Variants in RANBP3L observed in about 807,000 individuals in gnomAD.
RANBP3L encodes the protein RAN binding protein 3 like.
RANBP3L carries 56 observed loss-of-function variants against 67.2 expected under a neutral mutation model. The observed-to-expected ratio is 0.83, with a 90% CI of 0.67 to 1.04. The LOEUF (loss-of-function observed/expected upper bound fraction) is 1.04. Ranked by LOEUF, RANBP3L falls within the 50% of genes least tolerant of loss-of-function variation. The pLI is 0.00. For synonymous variants in RANBP3L, 164 were observed against 181.4 expected, an observed-to-expected ratio of 0.90 and a Z score of 0.77; for missense variants, 496 against 535.5, an observed-to-expected ratio of 0.93 and a Z score of 0.73.
chr5:36,301,390 G>A lies in RANBP3L; in HGVS notation c.27C>T (p.Ser9=). 6.2e-7 allele frequency: 1 copy of A among 1,613,642 alleles called. No individual in the cohort carries two copies. The highest frequency in any genetic ancestry group is 1.3e-5 in the African/African-American group (1 of 75,042). MTTIPRKG[S]SHLPGSLHTC... Reference sequence around the variant, plus strand: ...TGTGCAAACTGCCAGGCAGGTGGCTGCTGCCTTTTCTTGGTATGGTAGTCA... The same window carrying A: ...TGTGCAAACTGCCAGGCAGGTGGCTACTGCCTTTTCTTGGTATGGTAGTCA... The change falls in exon 1 of 14, where the codon AGC becomes AGT. Residue 9 remains serine (S), a synonymous_variant. Coordinates refer to ENST00000296604, the MANE Select transcript of RANBP3L (RefSeq NM_145000.5).
At chr5:36,281,405 C>A (rs1045729483) in intron 1 of RANBP3L, among the ~76,000 whole-genome samples, 4 of 152,298 alleles carry the variant, frequency 2.6e-5, no homozygotes, top group African/African-American at 9.6e-5. Flanking sequence ...ATTACGGGAC[C>A]TGTCTCAGGT....
In RANBP3L at chr5:36,260,874, T is replaced by A. The variant is rs6881086; in HGVS notation, c.585-10A>T. The A allele has an allele frequency of 0.93, 1,187,949 of 1,273,346 alleles. 560,133 individuals carry two copies. Among genetic ancestry groups the A allele is most frequent in the Non-Finnish European group, 0.97 (863,425 of 888,376 alleles). The allele number at this position is 1,273,346 out of a possible 1,614,324, so 78.9% of individuals were successfully genotyped here. ...TTCATTTGGTTGACATCTAAGAAAA[T>A]GAAATAAGCATTTACTATTTTAAAT... On this transcript the variant is annotated splice_polypyrimidine_tract_variant and intron_variant, in intron 7 of 13. Coordinates refer to ENST00000296604, the MANE Select transcript of RANBP3L (RefSeq NM_145000.5).
At chr5:36,300,927 T>C (rs957701555) in intron 1 of RANBP3L, among the ~76,000 whole-genome samples, 1 of 152,148 alleles carries the variant, frequency 6.6e-6, no homozygotes, top group South Asian at 2.1e-4. Context: ...CAGACAAACT[T>C]AGGCTTAAAC....
intron 1 of RANBP3L, among the ~76,000 whole-genome samples, chr5:36,277,939 C>T (rs1412519077): frequency 8.5e-5 from 13 of 152,060 alleles, no homozygotes; most frequent in Non-Finnish European, 1.8e-4. Context: ...GAGAGCCAAG[C>T]AAAGGGGGTT....
intron 1 of RANBP3L, among the ~76,000 whole-genome samples, chr5:36,286,990 T>C (rs1751370804): frequency 6.6e-6 from 1 of 152,174 alleles, no homozygotes; most frequent in East Asian, 1.9e-4. Flanking sequence ...ATTTACACCA[T>C]TGAGCCCCAA....
intron 4 of RANBP3L, among the ~76,000 whole-genome samples, chr5:36,268,567 A>G (rs1004255762): frequency 2.6e-5 from 4 of 152,172 alleles, no homozygotes; most frequent in Non-Finnish European, 5.9e-5. Context: ...TACAAGGTGG[A>G]AGGCATAGAG....
intron 1 of RANBP3L, among the ~76,000 whole-genome samples, chr5:36,285,515 C>G (rs147461678): frequency 2.1e-4 from 32 of 152,320 alleles, no homozygotes; most frequent in Non-Finnish European, 3.8e-4. Context: ...GAATTTACCT[C>G]AAAGTGCTGT....
chr5:36,255,205 A>C (rs1433132192), intron 11 of RANBP3L, among the ~76,000 whole-genome samples: 1 of 152,112 alleles, frequency 6.6e-6, no homozygotes, highest in Non-Finnish European at 1.5e-5. Context: ...TCCCATTTTA[A>C]ATTGATATAA....
At chr5:36,268,872 C>G (rs1750003104) in intron 4 of RANBP3L, among the ~76,000 whole-genome samples, 1 of 152,060 alleles carries the variant, frequency 6.6e-6, no homozygotes, top group Non-Finnish European at 1.5e-5. Context: ...CCATGCCCAG[C>G]TAATTTTTTT....
At position 36,301,639 on chromosome 5, in the gene RANBP3L, C is replaced by A. The variant is rs1312634656; in HGVS notation, c.-223G>T. ...GTTACTTCTCCTAAATATAAAGATG[C>A]CAATTCATTTGGTTAAAAACACAAC... is the stretch of plus-strand genomic sequence containing the variant. On this transcript the variant is annotated 5_prime_UTR_variant, in exon 1 of 14. Coordinates refer to ENST00000296604, the MANE Select transcript of RANBP3L (RefSeq NM_145000.5). The A allele has an allele frequency of 6.7e-6, 3 of 444,626 alleles. No homozygotes were observed. Among genetic ancestry groups the A allele is most frequent in the Non-Finnish European group, 1.2e-5 (3 of 247,396 alleles). 27.5% of individuals were successfully genotyped at this position (444,626 alleles called of 1,614,324 possible).
At chr5:36,294,006 A>C (rs1752004657) in intron 1 of RANBP3L, among the ~76,000 whole-genome samples, 1 of 152,212 alleles carries the variant, frequency 6.6e-6, no homozygotes, top group South Asian at 2.1e-4. Context: ...CTCTGATAGA[A>C]TTCGGCTGTA....
At chr5:36,263,055 G>A (rs1749511237) in intron 6 of RANBP3L, among the ~76,000 whole-genome samples, 3 of 152,060 alleles carry the variant, frequency 2.0e-5, no homozygotes, top group Non-Finnish European at 4.4e-5. Context: ...AATCCACCTA[G>A]AGATAGTTTT....
rs760468586 is a variant in RANBP3L, at chr5:36,257,456, G to C, written c.770C>G (p.Ser257Ter). Reference sequence around the variant, plus strand: ...TTTACAAATGAAAGAATTCTTACTTGAACTTAAAAAGTTGACAGGAAATTT... The same window carrying C: ...TTTACAAATGAAAGAATTCTTACTTCAACTTAAAAAGTTGACAGGAAATTT... ...IPKFPVNFLSSRTDSIKNTSL... is the reference protein window; with the variant it reads ...IPKFPVNFLS The change falls in exon 9 of 14, where the codon TCA becomes TGA. Residue 257 changes from serine to a stop codon, truncating the protein, a stop_gained and splice_region_variant. Transcript: ENST00000296604. LOFTEE classifies it high-confidence loss of function. 1 of 1,480,240 alleles carries C rather than the reference G, an allele frequency of 6.8e-7. No homozygotes were observed. The highest frequency in any genetic ancestry group is 1.7e-5 in the Admixed American group (1 of 58,162). The allele number at this position is 1,480,240 out of a possible 1,614,324, so 91.7% of individuals were successfully genotyped here.
At chr5:36,278,226 G>C (rs1350496892) in intron 1 of RANBP3L, among the ~76,000 whole-genome samples, 1 of 152,024 alleles carries the variant, frequency 6.6e-6, no homozygotes, top group Non-Finnish European at 1.5e-5. Context: ...CCCCTAGCTT[G>C]CTTCTCATTT....
At chr5:36,298,123 A>G (rs980191029) in intron 1 of RANBP3L, among the ~76,000 whole-genome samples, 17 of 151,574 alleles carry the variant, frequency 1.1e-4, no homozygotes, top group African/African-American at 3.6e-4. Flanking sequence ...ATATGGTGAA[A>G]CCCCCGTCTC....
intron 1 of RANBP3L, among the ~76,000 whole-genome samples, chr5:36,275,750 A>T (rs149064892): frequency 2.5e-4 from 38 of 152,252 alleles, no homozygotes; most frequent in African/African-American, 8.9e-4. Context: ...TAAACATAAA[A>T]ATAAAGAAAT....
chr5:36,263,394 A>G (rs920747254), intron 6 of RANBP3L, among the ~76,000 whole-genome samples: 1 of 152,210 alleles, frequency 6.6e-6, no homozygotes, highest in African/African-American at 2.4e-5. Flanking sequence ...AATTCTGCCA[A>G]GAAAGAAATA....
chr5:36,285,968 A>G (rs1751295283), intron 1 of RANBP3L, among the ~76,000 whole-genome samples: 1 of 152,168 alleles, frequency 6.6e-6, no homozygotes, highest in Non-Finnish European at 1.5e-5. Context: ...CCAAAGCTTT[A>G]TACTGAAAGG....
At chr5:36,282,109 T>C (rs1467803201) in intron 1 of RANBP3L, among the ~76,000 whole-genome samples, 1 of 152,170 alleles carries the variant, frequency 6.6e-6, no homozygotes, top group African/African-American at 2.4e-5. Flanking sequence ...CATTTGGAAA[T>C]ACATATTTAA....
Sources: allele counts gnomAD v4.1 joint callset (sites outside exome capture counted in the v4.1 genomes callset), GRCh38; gene constraint gnomAD v4.1.1; transcripts MANE v1.5; gene names NCBI Gene and HGNC (gene_info 2026-07-23, HGNC 2026-07-21).